The following ANKIB1 variants were observed in gnomAD, a reference collection of about 807,000 sequenced individuals.
ANKIB1 encodes ankyrin repeat and IBR domain containing 1, also known as ankyrin repeat and IBR domain-containing protein 1.
A neutral mutation model predicts 122.1 loss-of-function variants in ANKIB1; 43 were observed. The observed-to-expected ratio is 0.35, with a 90% CI of 0.28 to 0.45. ANKIB1 has a LOEUF of 0.45. Ranked by LOEUF, ANKIB1 falls within the 20% of genes least tolerant of loss-of-function variation. The pLI is 1.00. For synonymous variants in ANKIB1, 390 were observed against 442.0 expected (o/e 0.88, Z 1.48); for missense variants, 992 against 1,329.5 (o/e 0.75, Z 3.95).
intron 11 of ANKIB1, among the ~76,000 whole-genome samples, chr7:92,379,582 G>A (rs778279665): frequency 6.6e-6 from 1 of 152,002 alleles, no homozygotes; most frequent in Non-Finnish European, 1.5e-5. Context: ...AAGATACGTG[G>A]GAATCTAGTA....
chr7:92,294,819 C>T, intron 1 of ANKIB1, 70 bp from the exon 2 acceptor site: 1 of 547,394 alleles, frequency 1.8e-6, no homozygotes, highest in Non-Finnish European at 3.0e-6. Context: ...TTTAGTGTTC[C>T]TAATTGTGTT....
intron 4 of ANKIB1, chr7:92,319,726 C>T: frequency 2.0e-6 from 1 of 508,038 alleles, no homozygotes; most frequent in Non-Finnish European, 3.3e-6. Context: ...GGCCAAGGCA[C>T]CGGAGTTCTG....
chr7:92,344,227 G>T (rs146288085), intron 6 of ANKIB1, among the ~76,000 whole-genome samples: 2 of 112,154 alleles, frequency 1.8e-5, no homozygotes, highest in Non-Finnish European at 3.5e-5. Context: ...TTTTTGAGAC[G>T]GAGTTTCACT....
intron 17 of ANKIB1, among the ~76,000 whole-genome samples, chr7:92,393,327 C>CT (rs1585142045): frequency 6.6e-6 from 1 of 151,976 alleles, no homozygotes; most frequent in East Asian, 1.9e-4. Context: ...TTTAAATTCA[C>CT]TTAAATTGTT....
Position 92,398,587 on chromosome 7 carries a change from C to A in ANKIB1, c.2908C>A (p.Leu970Ile). 1 of 1,614,020 alleles carries A rather than the reference C, an allele frequency of 6.2e-7. No homozygotes were observed. Among genetic ancestry groups the A allele is most frequent in the Non-Finnish European group, 8.5e-7 (1 of 1,179,884 alleles). The change falls in exon 20 of 20, where the codon CTC becomes ATC. Residue 970 changes from leucine (L) to isoleucine (I), a missense_variant. By Grantham distance (5) the Leu-to-Ile change is conservative. Around this residue, in one of 4 missense-constraint regions of ANKIB1, gnomAD observed 384 missense variants for 412.0 expected, o/e 0.93. Transcript: ENST00000265742. ...GQDPNINDNL[L>I]GNIMAWFHDM... is the part of the protein sequence containing the mutation. The stretch of plus-strand genomic sequence containing the variant: ...GGACCCCAACATCAATGACAATCTT[C>A]TCGGCAACATCATGGCTTGGTTTCA...
At chr7:92,279,718 C>A (rs1326852208) in intron 1 of ANKIB1, among the ~76,000 whole-genome samples, 1 of 152,118 alleles carries the variant, frequency 6.6e-6, no homozygotes, top group African/African-American at 2.4e-5. Flanking sequence ...TTTAACATTC[C>A]CAAAAAGCTT....
chr7:92,353,268 G>A (rs1013571731), intron 9 of ANKIB1, among the ~76,000 whole-genome samples: 1 of 152,094 alleles, frequency 6.6e-6, no homozygotes, highest in Non-Finnish European at 1.5e-5. Flanking sequence ...CTGCAGGCTC[G>A]TTGTTTCTTG....
At chr7:92,319,304 A>C in intron 3 of ANKIB1, 26 bp from the exon 4 acceptor site, 1 of 1,500,170 alleles carries the variant, frequency 6.7e-7, no homozygotes, top group Non-Finnish European at 9.0e-7. Flanking sequence ...CTGTAGTTGC[A>C]AGTTTTTGAA....
At chr7:92,272,351 G>A (rs1466219592) in intron 1 of ANKIB1, among the ~76,000 whole-genome samples, 6 of 152,148 alleles carry the variant, frequency 3.9e-5, no homozygotes, top group African/African-American at 1.4e-4. Context: ...CAGTAATATT[G>A]TAAGCTAGAT....
intron 17 of ANKIB1, among the ~76,000 whole-genome samples, chr7:92,392,545 T>C (rs567138344): frequency 9.9e-5 from 15 of 152,234 alleles, no homozygotes; most frequent in East Asian, 9.6e-4. Context: ...ATTTACAATA[T>C]ACATTTTTGG....
chr7:92,336,312 G>T (rs1165734351), intron 5 of ANKIB1, among the ~76,000 whole-genome samples: 1 of 151,640 alleles, frequency 6.6e-6, no homozygotes, highest in Non-Finnish European at 1.5e-5. Flanking sequence ...TTCAGTTCTA[G>T]AATTTACACT....
intron 9 of ANKIB1, among the ~76,000 whole-genome samples, chr7:92,357,732 C>CAAAAAA (rs961949515): frequency 2.7e-5 from 2 of 75,020 alleles, no homozygotes; most frequent in East Asian, 4.0e-4. Flanking sequence ...AAGACTCTCT[C>CAAAAAA]AAAAAAAAAA....
intron 11 of ANKIB1, among the ~76,000 whole-genome samples, chr7:92,383,925 A>G (rs534458462): frequency 9.0e-4 from 137 of 152,326 alleles, no homozygotes; most frequent in African/African-American, 3.2e-3. Context: ...AGAGTATTCA[A>G]TTAGGAAAAG....
chr7:92,318,918 T>C (rs1257659046), intron 3 of ANKIB1, among the ~76,000 whole-genome samples: 1 of 152,232 alleles, frequency 6.6e-6, no homozygotes, highest in Non-Finnish European at 1.5e-5. Context: ...ACATCCAGAC[T>C]TTAGTAGTTA....
intron 1 of ANKIB1, among the ~76,000 whole-genome samples, chr7:92,273,980 C>T (rs1216849602): frequency 6.6e-6 from 1 of 151,916 alleles, no homozygotes; most frequent in Non-Finnish European, 1.5e-5. Context: ...ACTATGTTGT[C>T]CGGGCTGGTC....
At chr7:92,256,718 A>C (rs890250113) in intron 1 of ANKIB1, among the ~76,000 whole-genome samples, 1 of 152,188 alleles carries the variant, frequency 6.6e-6, no homozygotes, top group African/African-American at 2.4e-5. Flanking sequence ...ACTTATTACC[A>C]CTTGATTTAT....
chr7:92,309,508 G>A (rs1266912571), intron 3 of ANKIB1, among the ~76,000 whole-genome samples: 2 of 152,086 alleles, frequency 1.3e-5, no homozygotes, highest in African/African-American at 2.4e-5. Flanking sequence ...ATTGTCCTGT[G>A]TTTACCTATT....
In ANKIB1 at chr7:92,390,033, C is replaced by G; in HGVS notation, c.1969C>G (p.Arg657Gly). The change falls in exon 15 of 20, where the codon CGG becomes GGG. Residue 657 changes from arginine to glycine, a missense_variant. Coordinates refer to ENST00000265742, the MANE Select transcript of ANKIB1 (RefSeq NM_019004.2). The part of the protein sequence containing the change: ...EDAVHVLLKT[R>G]RILKCSYPYG... Reference sequence around the variant, plus strand: ...TGCAGTTCATGTGCTCTTAAAAACTCGGCGCATTCTCAAGTGTTCTTATCC... The same window carrying G: ...TGCAGTTCATGTGCTCTTAAAAACTGGGCGCATTCTCAAGTGTTCTTATCC... 6.2e-7 allele frequency: 1 copy of G among 1,607,068 alleles called. No individual in the cohort carries two copies. The highest frequency in any genetic ancestry group is 8.5e-7 in the Non-Finnish European group (1 of 1,177,720).
At chr7:92,318,567 A>G (rs1177773310) in intron 3 of ANKIB1, among the ~76,000 whole-genome samples, 1 of 152,200 alleles carries the variant, frequency 6.6e-6, no homozygotes, top group Non-Finnish European at 1.5e-5. Flanking sequence ...TGTCCTAGAC[A>G]TGGCTTTCCT....
Sources: gnomAD v4.1 joint callset for allele counts (sites outside exome capture counted in the v4.1 genomes callset) on GRCh38, gnomAD v4.1.1 for gene constraint, gnomAD v4.1.1 regional missense constraint, MANE v1.5 for transcripts, NCBI Gene and HGNC (gene_info 2026-07-23, HGNC 2026-07-21) for gene names.